NCOA4: variants seen among roughly 807,000 people sequenced by gnomAD.
The protein encoded by NCOA4 is 70 kDa AR-activator.
Under a neutral mutation model 69.5 loss-of-function variants are expected in NCOA4, and 31 were observed. The observed-to-expected ratio is 0.45, with a 90% CI of 0.34 to 0.60. The LOEUF (loss-of-function observed/expected upper bound fraction) is 0.60. NCOA4 is among the 20% of genes least tolerant of loss of function. The pLI, the probability that NCOA4 is intolerant of heterozygous loss-of-function variation, is 0.02. For missense variants in NCOA4, 600 were observed against 719.2 expected (o/e 0.83, Z 1.90); for synonymous variants, 228 against 252.4 (o/e 0.90, Z 0.92).
intron 9 of NCOA4, among the ~76,000 whole-genome samples, chr10:46,008,404 C>T (rs578246125): frequency 6.6e-6 from 1 of 152,186 alleles, no homozygotes; most frequent in Non-Finnish European, 1.5e-5. Flanking sequence ...TTCCCACCCT[C>T]ATGGATGGCT....
intron 1 of NCOA4, among the ~76,000 whole-genome samples, chr10:46,021,746 G>A (rs1839881638): frequency 2.0e-5 from 3 of 152,130 alleles, no homozygotes; most frequent in Non-Finnish European, 4.4e-5. Flanking sequence ...GATCACCTGA[G>A]GTCAGGAGTT....
chr10:46,028,479 T>C (rs1442202486), intron 1 of NCOA4, among the ~76,000 whole-genome samples: 1 of 151,886 alleles, frequency 6.6e-6, no homozygotes, highest in Non-Finnish European at 1.5e-5. Context: ...GAGCCTTTTT[T>C]TAAAAAACTC....
chr10:46,024,757 CCT>C (rs1368178206), intron 1 of NCOA4, among the ~76,000 whole-genome samples: 1 of 152,110 alleles, frequency 6.6e-6, no homozygotes, highest in Non-Finnish European at 1.5e-5. Flanking sequence ...AGGTATTTTA[CCT>C]CTCTTCTGCT....
chr10:46,015,360 G>C, intron 2 of NCOA4, 94 bp from the exon 3 acceptor site: 3 of 651,690 alleles, frequency 4.6e-6, no homozygotes, highest in Non-Finnish European at 7.4e-6. Context: ...TTTTGGGGGG[G>C]TGGGGTTGGG....
chr10:46,029,810 C>T (rs1407738258), intron 1 of NCOA4, among the ~76,000 whole-genome samples: 1 of 152,170 alleles, frequency 6.6e-6, no homozygotes, highest in Non-Finnish European at 1.5e-5. Flanking sequence ...AATTTAGTTC[C>T]ATGAGAATTA....
At chr10:46,011,412 C>T (rs1395542374) in intron 7 of NCOA4, among the ~76,000 whole-genome samples, 2 of 150,682 alleles carry the variant, frequency 1.3e-5, no homozygotes, top group Admixed American at 6.6e-5. Context: ...GGACTATAGG[C>T]GCCCACCACC....
chr10:46,023,067 T>C (rs782425833), intron 1 of NCOA4, among the ~76,000 whole-genome samples: 1 of 152,210 alleles, frequency 6.6e-6, no homozygotes, highest in African/African-American at 2.4e-5. Flanking sequence ...TTTTCTAAAG[T>C]AGTAACTGAA....
chr10:46,012,833 C>T, intron 7 of NCOA4, 50 bp downstream of exon 7: 2 of 1,596,862 alleles, frequency 1.3e-6, no homozygotes, highest in Non-Finnish European at 1.7e-6. Flanking sequence ...TAGTAACTAA[C>T]TCCACCTACT....
At chr10:46,015,412 G>GT (rs760344157) in intron 2 of NCOA4, 146 bp from the exon 3 acceptor site, 198 of 686,596 alleles carry the variant, frequency 2.9e-4, no homozygotes, top group Non-Finnish European at 4.1e-4. Flanking sequence ...CATCTATGAA[G>GT]TATCTCCCCA....
At chr10:46,007,733 G>A (rs1838930916) in intron 9 of NCOA4, among the ~76,000 whole-genome samples, 1 of 151,758 alleles carries the variant, frequency 6.6e-6, no homozygotes, top group African/African-American at 2.4e-5. Flanking sequence ...TGGGACTATA[G>A]CACGCTCCAC....
At chr10:46,027,226 G>A (rs1840206127) in intron 1 of NCOA4, among the ~76,000 whole-genome samples, 2 of 132,296 alleles carry the variant, frequency 1.5e-5, no homozygotes, top group Admixed American at 9.1e-5. Flanking sequence ...AGCGGAGATC[G>A]CCCACTGCAC....
At chr10:46,027,598 G>A (rs1564930450) in intron 1 of NCOA4, 2 of 927,768 alleles carry the variant, frequency 2.2e-6, no homozygotes, top group South Asian at 1.7e-5. Flanking sequence ...GTAGCAAGAA[G>A]AGTAATAAAA....
Position 46,005,638 on chromosome 10 carries a change from C to T in NCOA4, c.*954G>A, listed in dbSNP as rs1465365318. ...GTTGAAAACGGCCTGTTCACTAAAA[C>T]GTCACTTTTGGAGGTACAGGTATGC... On this transcript the variant is annotated 3_prime_UTR_variant, in exon 10 of 10. Coordinates refer to ENST00000581486, the MANE Select transcript of NCOA4 (RefSeq NM_001145263.2). 4.6e-5 allele frequency: 10 copies of T among 219,026 alleles called. No individual in the cohort carries two copies. Among genetic ancestry groups the T allele is most frequent in the Non-Finnish European group, 9.2e-5 (10 of 108,852 alleles). The allele number at this position is 219,026 out of a possible 1,614,324, so 13.6% of individuals were successfully genotyped here.
At chr10:46,009,228 A>C in intron 9 of NCOA4, 183 bp downstream of exon 9, 1 of 1,539,512 alleles carries the variant, frequency 6.5e-7, no homozygotes, top group African/African-American at 1.4e-5. Flanking sequence ...TAGTTAATAA[A>C]GCAAATTCAA....
Position 46,019,416 on chromosome 10 carries a change from G to C in NCOA4, c.-14-2722C>G, listed in dbSNP as rs541093345. 16 of 985,372 alleles carry C rather than the reference G, an allele frequency of 1.6e-5. 1 individual carries two copies. The South Asian group carries it at 5.6e-4, about 35-fold the overall frequency. The allele number at this position is 985,372 out of a possible 1,614,324, so 61.0% of individuals were successfully genotyped here. The stretch of plus-strand genomic sequence containing the variant: ...CACTTAGGCCAGTCATGCAAGACCT[G>C]TTTAGCAGTCTTTCAAATGTGTTAC... On this transcript the variant is annotated intron_variant, in intron 1 of 9. Coordinates refer to ENST00000581486, the MANE Select transcript of NCOA4 (RefSeq NM_001145263.2).
rs782687813 is a variant in NCOA4 at position 46,012,982 on chromosome 10, G to A, written c.615C>T (p.Leu205=). 4 of 1,614,018 alleles carry A rather than the reference G, an allele frequency of 2.5e-6. No individual in the cohort carries two copies. In the South Asian group the frequency reaches 3.3e-5, roughly 13 times the overall value. Residue 205 remains leucine (L), a synonymous_variant, in exon 7 of 10, where the codon CTC becomes CTT. Coordinates refer to ENST00000581486, the MANE Select transcript of NCOA4 (RefSeq NM_001145263.2). ...AACCACTGGCAGGTTTGCTTCCAAG[G>A]AGCCATTCGCTGAAAGGGACAGCTA... The part of the protein sequence containing the change: ...GIVAVPFSEW[L]LGSKPASGYQ...
chr10:46,008,269 T>G (rs1386595339), intron 9 of NCOA4, among the ~76,000 whole-genome samples: 1 of 152,248 alleles, frequency 6.6e-6, no homozygotes, highest in East Asian at 1.9e-4. Flanking sequence ...GTTCCTCTGA[T>G]AGATCTGGGC....
At chr10:46,013,081 G>A (rs782597681) in intron 6 of NCOA4, 55 bp from the exon 7 acceptor site, 1 of 1,566,234 alleles carries the variant, frequency 6.4e-7, no homozygotes, top group Non-Finnish European at 8.8e-7. Context: ...ACCAGAAAAA[G>A]AGAAGAGCCA....
intron 5 of NCOA4, 121 bp from the exon 6 acceptor site, chr10:46,013,760 T>A (rs1839368945): frequency 1.6e-6 from 1 of 619,042 alleles, no homozygotes; most frequent in African/African-American, 1.8e-5. Context: ...CTGTTCACAC[T>A]AAATTCCATG....
Sources: gnomAD v4.1 joint callset for allele counts (sites outside exome capture counted in the v4.1 genomes callset) on GRCh38, gnomAD v4.1.1 for gene constraint, MANE v1.5 for transcripts, NCBI Gene and HGNC (gene_info 2026-07-23, HGNC 2026-07-21) for gene names.